The following CNTN6 variants were observed in gnomAD, a reference collection of about 807,000 sequenced individuals.
CNTN6 encodes contactin 6.
CNTN6 carries 137 observed loss-of-function variants against 122.8 expected under a neutral mutation model. The observed-to-expected ratio is 1.12, with a 90% CI of 0.97 to 1.29. The LOEUF (loss-of-function observed/expected upper bound fraction) is 1.29, where lower values mean the gene tolerates loss of function less well. Ranked by LOEUF, CNTN6 falls within the 50% of genes most tolerant of loss-of-function variation. The probability of loss-of-function intolerance (pLI) is 0.00; values close to 1 mark genes in which losing one functional copy is unlikely to be tolerated. For missense variants in CNTN6, 1,634 were observed against 1,223.4 expected (o/e 1.34, Z -5.01); for synonymous variants, 570 against 426.0 (o/e 1.34, Z -4.16).
At chr3:1,323,890 A>ACCTCCAGGCAGTTTCCAGTCAGTTT (rs1701191736) in intron 8 of CNTN6, among the ~76,000 whole-genome samples, 21 of 140,456 alleles carry the variant, frequency 1.5e-4, no homozygotes, top group Middle Eastern at 3.5e-3. Flanking sequence ...ACGTTGAATA[A>ACCTCCAGGCAGTTTCCAGTCAGTTT]ATAAATGTGT....
At chr3:1,355,775 T>C (rs1434524363) in intron 12 of CNTN6, among the ~76,000 whole-genome samples, 1 of 151,828 alleles carries the variant, frequency 6.6e-6, no homozygotes, top group South Asian at 2.1e-4. Context: ...AATTTACTTA[T>C]CAGCCTCTGT....
intron 5 of CNTN6, 130 bp from the exon 6 acceptor site, chr3:1,295,471 T>C: frequency 1.5e-6 from 1 of 657,096 alleles, no homozygotes; most frequent in Non-Finnish European, 2.6e-6. Context: ...ATGACAGCTA[T>C]CAACTGAGCA....
intron 1 of CNTN6, among the ~76,000 whole-genome samples, chr3:1,146,242 T>G (rs1401744630): frequency 6.6e-6 from 1 of 152,080 alleles, no homozygotes; most frequent in African/African-American, 2.4e-5. Flanking sequence ...AAATGTCTTG[T>G]ATATTTCAGC....
chr3:1,261,051 A>C (rs1312309773), intron 4 of CNTN6, among the ~76,000 whole-genome samples: 1 of 152,172 alleles, frequency 6.6e-6, no homozygotes, highest in Non-Finnish European at 1.5e-5. Context: ...TGGGGAAAAA[A>C]AAATTAGAGA....
At chr3:1,341,632 G>A (rs577817475) in intron 11 of CNTN6, among the ~76,000 whole-genome samples, 9 of 152,218 alleles carry the variant, frequency 5.9e-5, no homozygotes, top group South Asian at 4.1e-4. Flanking sequence ...TTCAGTCACC[G>A]TGAATCTGTG....
intron 5 of CNTN6, among the ~76,000 whole-genome samples, chr3:1,284,552 T>C (rs1312501840): frequency 3.3e-5 from 5 of 152,188 alleles, no homozygotes; most frequent in Non-Finnish European, 7.3e-5. Context: ...CAAATATTTA[T>C]TATGTAGTTA....
At chr3:1,245,306 A>AACATATATATAT (rs2094563503) in intron 4 of CNTN6, among the ~76,000 whole-genome samples, 2 of 10,020 alleles carry the variant, frequency 2.0e-4, no homozygotes, top group Non-Finnish European at 3.4e-4. Context: ...ATATATATAT[A>AACATATATATAT]TATATATATA....
chr3:1,100,148 CCTAGATTCTCTT>C lies in CNTN6; in HGVS notation c.-83+7031_-83+7042del, dbSNP rs780363368. On this transcript the variant is annotated intron_variant, in intron 1 of 22. Coordinates refer to ENST00000446702, the MANE Select transcript of CNTN6 (RefSeq NM_001289080.2). ...ATATTCTTGCTATTTATGTGCATCTCCTAGATTCTCTTCTTGTGCTCTGAAGACCATTTTAAG... is the reference window on the plus strand; with the variant it reads ...ATATTCTTGCTATTTATGTGCATCTCCTTGTGCTCTGAAGACCATTTTAAG... Among the ~76,000 whole-genome samples, 334 of 152,162 alleles carry C rather than the reference CCTAGATTCTCTT, an allele frequency of 2.2e-3. 1 individual carries two copies. Among genetic ancestry groups the C allele is most frequent in the Non-Finnish European group, 3.6e-3 (242 of 67,988 alleles).
intron 1 of CNTN6, among the ~76,000 whole-genome samples, chr3:1,139,372 G>T (rs1449596479): frequency 6.6e-6 from 1 of 152,074 alleles, no homozygotes; most frequent in Non-Finnish European, 1.5e-5. Context: ...AAATAATTTA[G>T]CTACTTGCTT....
chr3:1,361,888 A>T (rs1450685946), intron 12 of CNTN6, among the ~76,000 whole-genome samples: 2 of 152,136 alleles, frequency 1.3e-5, no homozygotes, highest in African/African-American at 4.8e-5. Context: ...TTCTTCTCAG[A>T]AATTTGTCAA....
intron 20 of CNTN6, among the ~76,000 whole-genome samples, chr3:1,390,055 T>C (rs201001480): frequency 7.3e-5 from 11 of 151,606 alleles, no homozygotes; most frequent in Non-Finnish European, 1.2e-4. Flanking sequence ...CTGCACCAAG[T>C]GGACCTAATA....
In CNTN6 at chr3:1,374,911, A is replaced by G. The variant is rs139609332; in HGVS notation, c.2095+838A>G. Among the ~76,000 whole-genome samples, 45 of 152,246 alleles carry G rather than the reference A, an allele frequency of 3.0e-4. 1 individual carries two copies. The highest frequency in any genetic ancestry group is 1.1e-3 in the African/African-American group (44 of 41,576). On this transcript the variant is annotated intron_variant, in intron 16 of 22. Coordinates refer to ENST00000446702, the MANE Select transcript of CNTN6 (RefSeq NM_001289080.2). ...GAAAAAGGACATACTTGACAGTGATATCATCCAATTAAATCACGCTAGAAG... is the reference window on the plus strand; with the variant it reads ...GAAAAAGGACATACTTGACAGTGATGTCATCCAATTAAATCACGCTAGAAG...
chr3:1,126,389 G>A (rs912429491), intron 1 of CNTN6, among the ~76,000 whole-genome samples: 2 of 151,890 alleles, frequency 1.3e-5, no homozygotes, highest in African/African-American at 4.8e-5. Flanking sequence ...AATGGTGAGA[G>A]TCCATTTGGC....
Position 1,295,696 on chromosome 3 carries a change from G to A in CNTN6, c.550G>A (p.Ala184Thr). 2.5e-6 allele frequency: 4 copies of A among 1,614,006 alleles called. No homozygotes were observed. The highest frequency in any genetic ancestry group is 3.4e-6 in the Non-Finnish European group (4 of 1,179,910). ...TCAAGAGACGGGAAACTTGTACATT[G>A]CCAAAGTGGAACCATCAGATGTGGG... is the stretch of plus-strand genomic sequence containing the variant. ...VSQETGNLYIAKVEPSDVGNY... is the reference protein window; with the variant it reads ...VSQETGNLYITKVEPSDVGNY... Residue 184 changes from alanine (A) to threonine (T), a missense_variant, in exon 6 of 23, where the codon GCC becomes ACC. By Grantham distance (58) the Ala-to-Thr change is moderately conservative. Coordinates refer to ENST00000446702, the MANE Select transcript of CNTN6 (RefSeq NM_001289080.2).
chr3:1,134,615 T>C (rs1007036120), intron 1 of CNTN6, among the ~76,000 whole-genome samples: 1 of 152,148 alleles, frequency 6.6e-6, no homozygotes, highest in Non-Finnish European at 1.5e-5. Flanking sequence ...TAAAAGAATA[T>C]GAAGAATTTA....
chr3:1,289,779 A>G (rs1458138426), intron 5 of CNTN6, among the ~76,000 whole-genome samples: 1 of 148,664 alleles, frequency 6.7e-6, no homozygotes, highest in Non-Finnish European at 1.5e-5. Context: ...GGTTCCCGCC[A>G]TTCTCCTGCC....
intron 4 of CNTN6, among the ~76,000 whole-genome samples, chr3:1,250,612 A>G (rs528561353): frequency 1.3e-5 from 2 of 152,122 alleles, no homozygotes; most frequent in Non-Finnish European, 2.9e-5. Context: ...GTCACCCCTC[A>G]TTGCCCAAAC....
chr3:1,298,912 G>A (rs796483394), intron 7 of CNTN6, among the ~76,000 whole-genome samples: 20 of 152,256 alleles, frequency 1.3e-4, no homozygotes, highest in African/African-American at 4.8e-4. Context: ...TATTCCTAAT[G>A]TGGCCCTCAC....
At position 1,217,637 on chromosome 3, in the gene CNTN6, A is replaced by G. The variant is rs1051463503; in HGVS notation, c.56-3050A>G. On this transcript the variant is annotated intron_variant, in intron 2 of 22. Coordinates refer to ENST00000446702, the MANE Select transcript of CNTN6 (RefSeq NM_001289080.2). ...AAAATGCCATAAATTCTGCATAGTA[A>G]CAAGGCAAAGGAAAGAACAGTTTTA... is the stretch of plus-strand genomic sequence containing the variant. 2.0e-5 allele frequency among the ~76,000 whole-genome samples: 3 copies of G among 152,226 alleles called. No homozygotes were observed. In the South Asian group the frequency reaches 6.2e-4, roughly 32 times the overall value.
Sources: gnomAD v4.1 joint callset for allele counts (sites outside exome capture counted in the v4.1 genomes callset) on GRCh38, gnomAD v4.1.1 for gene constraint, MANE v1.5 for transcripts, NCBI Gene and HGNC (gene_info 2026-07-23, HGNC 2026-07-21) for gene names.